The following ENOX2 variants were observed in gnomAD, a reference collection of about 807,000 sequenced individuals.
ENOX2 encodes ecto-NOX disulfide-thiol exchanger 2.
A neutral mutation model predicts 45.0 loss-of-function variants in ENOX2; 36 were observed. The observed-to-expected ratio is 0.80, with a 90% CI of 0.61 to 1.06. ENOX2 has a LOEUF of 1.06. Among genes scored for constraint, ENOX2 ranks in the 50% least tolerant of loss-of-function variants. The pLI is 0.00. For synonymous variants in ENOX2, 174 were observed against 152.3 expected (o/e 1.14, Z -1.05); for missense variants, 423 against 462.5 (o/e 0.91, Z 0.78).
At chrX:130,877,675 C>T (rs1189320270) in intron 2 of ENOX2, among the ~76,000 whole-genome samples, 1 of 111,655 alleles carries the variant, frequency 9.0e-6, no homozygotes, top group Non-Finnish European at 1.9e-5. Context: ...CATGGGGAGT[C>T]GTCTACTCCA....
chrX:130,898,516 G>C (rs1331243710), intron 2 of ENOX2, among the ~76,000 whole-genome samples: 1 of 110,155 alleles, frequency 9.1e-6, no homozygotes, highest in African/African-American at 3.3e-5. Flanking sequence ...GTGTGTGTGT[G>C]TGTATTATGT....
intron 6 of ENOX2, among the ~76,000 whole-genome samples, chrX:130,678,811 C>T (rs1157907847): frequency 1.8e-5 from 2 of 111,666 alleles, no homozygotes; most frequent in African/African-American, 6.5e-5. Context: ...TTTGCTGCAT[C>T]CCCAGCAACC....
At chrX:130,813,294 C>T (rs780752295) in intron 2 of ENOX2, among the ~76,000 whole-genome samples, 13 of 112,350 alleles carry the variant, frequency 1.2e-4, no homozygotes, top group African/African-American at 4.2e-4. Flanking sequence ...AGGACAGTCT[C>T]TTCAATAAAT....
At chrX:130,859,925 A>T (rs1265773932) in intron 2 of ENOX2, among the ~76,000 whole-genome samples, 1 of 109,811 alleles carries the variant, frequency 9.1e-6, no homozygotes, top group African/African-American at 3.3e-5. Context: ...ATTCTTTCTC[A>T]GTTTTCTTTG....
chrX:130,869,821 G>A (rs758813323), intron 2 of ENOX2, among the ~76,000 whole-genome samples: 37 of 112,141 alleles, frequency 3.3e-4, no homozygotes, highest in Non-Finnish European at 6.6e-4. Context: ...GTAAAGAAAG[G>A]TAGGTATTCC....
In ENOX2 at chrX:130,693,675, A is replaced by T. The variant is rs139376178; in HGVS notation, c.98-4657T>A. ...GTTTACATACAATTCTTCTTCCCCC[A>T]ATATGGTGGATTAAAGTTGGATATA... is the stretch of plus-strand genomic sequence containing the variant. On this transcript the variant is annotated intron_variant, in intron 4 of 14. Coordinates refer to ENST00000394363, the MANE Select transcript of ENOX2 (RefSeq NM_006375.4). Among the ~76,000 whole-genome samples, 305 of 112,355 alleles carry T rather than the reference A, an allele frequency of 2.7e-3. 2 individuals are homozygous for T. The highest frequency in any genetic ancestry group is 9.0e-3 in the African/African-American group (279 of 30,915).
intron 3 of ENOX2, among the ~76,000 whole-genome samples, chrX:130,753,794 A>G (rs2039284810): frequency 9.0e-6 from 1 of 111,249 alleles, no homozygotes; most frequent in Non-Finnish European, 1.9e-5. Flanking sequence ...TATCTTAGCT[A>G]TTGTGAATAG....
intron 10 of ENOX2, 104 bp downstream of exon 10, chrX:130,656,477 A>G: frequency 2.0e-6 from 1 of 505,363 alleles, no homozygotes; most frequent in Admixed American, 3.6e-5. Context: ...GCTGGTATCC[A>G]GGCTGATAGG....
intron 2 of ENOX2, among the ~76,000 whole-genome samples, chrX:130,818,246 G>A: frequency 2.7e-5 from 3 of 111,502 alleles, no homozygotes; most frequent in Non-Finnish European, 5.6e-5. Flanking sequence ...AAGCAAATAA[G>A]AGAGGACATA....
At chrX:130,826,498 T>C (rs1036790580) in intron 2 of ENOX2, among the ~76,000 whole-genome samples, 15 of 111,943 alleles carry the variant, frequency 1.3e-4, no homozygotes, top group African/African-American at 4.9e-4. Flanking sequence ...TGAGTTACCA[T>C]GGCCCTCTGT....
chrX:130,674,134 C>T (rs1312921728), intron 6 of ENOX2, among the ~76,000 whole-genome samples: 1 of 110,923 alleles, frequency 9.0e-6, no homozygotes, highest in Non-Finnish European at 1.9e-5. Flanking sequence ...ACACTGGGGA[C>T]TCCAAAAGTG....
intron 2 of ENOX2, among the ~76,000 whole-genome samples, chrX:130,898,951 G>A (rs755799198): frequency 9.0e-6 from 1 of 110,797 alleles, no homozygotes; most frequent in South Asian, 3.9e-4. Flanking sequence ...CCCAGCAGCA[G>A]AGTCTATGAG....
Position 130,877,442 on chromosome X carries a change from C to T in ENOX2, c.-183+24242G>A, listed in dbSNP as rs142057601. Among the ~76,000 whole-genome samples the T allele has an allele frequency of 5.1e-3, 577 of 112,107 alleles. 2 individuals carry two copies. The highest frequency in any genetic ancestry group is 0.018 in the African/African-American group (550 of 30,903). On this transcript the variant is annotated intron_variant, in intron 2 of 14. Coordinates refer to ENST00000394363, the MANE Select transcript of ENOX2 (RefSeq NM_006375.4). ...CTTCCTCCCTCTTCTGTCCTTTCCC[C>T]AGATATGGAATAGGCAGGCTGTTGA...
At chrX:130,791,980 A>C (rs776114134) in intron 2 of ENOX2, among the ~76,000 whole-genome samples, 1 of 112,526 alleles carries the variant, frequency 8.9e-6, no homozygotes, top group Non-Finnish European at 1.9e-5. Flanking sequence ...AAGAAAAGGC[A>C]GTCTCTATCC....
intron 2 of ENOX2, among the ~76,000 whole-genome samples, chrX:130,798,681 G>T (rs1186786435): frequency 8.9e-6 from 1 of 112,290 alleles, no homozygotes; most frequent in Non-Finnish European, 1.9e-5. Context: ...AAATACTTCA[G>T]AAATATTGTG....
At chrX:130,670,224 A>G in intron 6 of ENOX2, 26 bp from the exon 7 acceptor site, 1 of 1,037,806 alleles carries the variant, frequency 9.6e-7, no homozygotes, top group Non-Finnish European at 1.3e-6. Flanking sequence ...GGTGAAAGGG[A>G]GAGGAGAGAG....
intron 9 of ENOX2, among the ~76,000 whole-genome samples, chrX:130,663,552 A>T (rs1166071133): frequency 9.3e-6 from 1 of 107,875 alleles, no homozygotes. Context: ...AAAAAAAAAA[A>T]GTATTGTGAC....
chrX:130,762,375 G>A (rs1336462925), intron 3 of ENOX2, among the ~76,000 whole-genome samples: 2 of 111,942 alleles, frequency 1.8e-5, no homozygotes, highest in Non-Finnish European at 3.8e-5. Context: ...AGGACTTTGA[G>A]ACCAGCCTGG....
intron 2 of ENOX2, among the ~76,000 whole-genome samples, chrX:130,844,275 C>A (rs192289368): frequency 1.7e-3 from 191 of 111,863 alleles, no homozygotes; most frequent in Non-Finnish European, 3.2e-3. Context: ...TCCCTCCACC[C>A]GCTTCCCTAC....
Sources: gnomAD v4.1 joint callset for allele counts (sites outside exome capture counted in the v4.1 genomes callset) on GRCh38, gnomAD v4.1.1 for gene constraint, MANE v1.5 for transcripts, NCBI Gene and HGNC (gene_info 2026-07-23, HGNC 2026-07-21) for gene names.